The following TENM2 variants were observed in gnomAD, a reference collection of about 807,000 sequenced individuals.
TENM2 encodes teneurin-2.
Under a neutral mutation model 245.2 loss-of-function variants are expected in TENM2, and 52 were observed. The ratio of observed to expected loss-of-function variants is 0.21; its 90% CI spans 0.17 to 0.27. The LOEUF (loss-of-function observed/expected upper bound fraction) is 0.27, where lower values mean the gene tolerates loss of function less well. Ranked by LOEUF, TENM2 falls within the 10% of genes least tolerant of loss-of-function variation. The probability of loss-of-function intolerance (pLI) is 1.00; values close to 1 mark genes in which losing one functional copy is unlikely to be tolerated. For synonymous variants in TENM2, 1,363 were observed against 1,438.9 expected (o/e 0.95, Z 1.19); for missense variants, 3,046 against 3,666.8 (o/e 0.83, Z 4.37).
the TENM2 span, among the ~76,000 whole-genome samples, chr5:167,258,832 A>G: frequency 6.6e-6 from 1 of 152,186 alleles, no homozygotes; most frequent in South Asian, 2.1e-4. Context: ...CTCTATTTTA[A>G]TATGTGTGAG....
the TENM2 span, among the ~76,000 whole-genome samples, chr5:166,982,972 T>C: frequency 2.6e-5 from 4 of 152,268 alleles, no homozygotes; most frequent in South Asian, 6.2e-4. Context: ...AAGTATTCTT[T>C]GTACTTCTGG....
chr5:167,800,392 A>G (rs190853512), intron 2 of TENM2, among the ~76,000 whole-genome samples: 1 of 152,212 alleles, frequency 6.6e-6, no homozygotes, highest in South Asian at 2.1e-4. Flanking sequence ...CTGTCGTGGA[A>G]CACCCAAGAC....
intron 3 of TENM2, among the ~76,000 whole-genome samples, chr5:167,917,492 C>T (rs1777041251): frequency 6.6e-6 from 1 of 151,990 alleles, no homozygotes; most frequent in African/African-American, 2.4e-5. Context: ...AATTTATTTC[C>T]ACCTATTTGG....
chr5:168,226,385 T>C, intron 24 of TENM2, 122 bp downstream of exon 26: 1 of 796,274 alleles, frequency 1.3e-6, no homozygotes, highest in Non-Finnish European at 2.0e-6. Context: ...ACCCCTAGCT[T>C]TCTATTTTAT....
At chr5:168,238,760 G>A (rs1765834389) in intron 25 of TENM2, among the ~76,000 whole-genome samples, 1 of 152,180 alleles carries the variant, frequency 6.6e-6, no homozygotes, top group African/African-American at 2.4e-5. Flanking sequence ...GGGATATTCT[G>A]CAGGGGAAAC....
At chr5:167,173,306 C>T in the TENM2 span, among the ~76,000 whole-genome samples, 6,262 of 152,280 alleles carry the variant, frequency 0.041, 452 homozygotes, top group African/African-American at 0.14. Context: ...TCCTGTTTCC[C>T]CTTTCTCTGC....
At chr5:167,482,031 A>C in intron 2 of TENM2, among the ~76,000 whole-genome samples, 1 of 152,180 alleles carries the variant, frequency 6.6e-6, no homozygotes, top group Admixed American at 6.5e-5. Flanking sequence ...ATGGTATTTT[A>C]GTTGTAAAAA....
intron 6 of TENM2, 79 bp from the exon 9 acceptor site, chr5:168,061,981 G>A (rs1425003499): frequency 7.8e-7 from 1 of 1,276,410 alleles, no homozygotes; most frequent in Non-Finnish European, 1.1e-6. Context: ...AAAAAAACCT[G>A]GCATGTAATT....
intron 5 of TENM2, among the ~76,000 whole-genome samples, chr5:168,009,707 T>C (rs1196989388): frequency 6.6e-6 from 1 of 152,254 alleles, no homozygotes; most frequent in East Asian, 1.9e-4. Flanking sequence ...GTTCTTGCTA[T>C]TGGGATTGCC....
intron 1 of TENM2, chr5:167,296,085 A>G (rs559106855): frequency 3.3e-5 from 5 of 152,202 alleles, no homozygotes; most frequent in African/African-American, 9.6e-5. Flanking sequence ...ATGAGGGGGG[A>G]AAAGAAAAAA....
At chr5:167,902,334 G>A (rs1775770465) in intron 3 of TENM2, among the ~76,000 whole-genome samples, 2 of 152,216 alleles carry the variant, frequency 1.3e-5, no homozygotes, top group Non-Finnish European at 2.9e-5. Flanking sequence ...TTCTCAAGGT[G>A]TGGACTGGGG....
intron 14 of TENM2, 125 bp downstream of exon 16, chr5:168,190,672 C>T: frequency 1.3e-6 from 1 of 757,466 alleles, no homozygotes; most frequent in East Asian, 2.7e-5. Context: ...AGAGGCAGCT[C>T]CCTCCAAGGG....
intron 1 of TENM2, among the ~76,000 whole-genome samples, chr5:167,293,157 T>C (rs1754735570): frequency 6.6e-6 from 1 of 152,076 alleles, no homozygotes; most frequent in African/African-American, 2.4e-5. Context: ...ATAGCAGAGA[T>C]TGTTTGAGAA....
At chr5:167,237,238 T>G in the TENM2 span, among the ~76,000 whole-genome samples, 1 of 152,234 alleles carries the variant, frequency 6.6e-6, no homozygotes, top group Admixed American at 6.5e-5. Flanking sequence ...GCCTGACACA[T>G]GGTAGGCCCT....
chr5:167,268,873 CATAGATAGATAGATAGATAG>C, the TENM2 span, among the ~76,000 whole-genome samples: 106 of 139,596 alleles, frequency 7.6e-4, no homozygotes, highest in Middle Eastern at 7.2e-3. Flanking sequence ...CCAAAAGATA[CATAGATAGATAGATAGATAG>C]ATAGATAGAT....
the TENM2 span, among the ~76,000 whole-genome samples, chr5:167,008,317 T>C: frequency 2.0e-5 from 3 of 151,908 alleles, no homozygotes; most frequent in Admixed American, 6.6e-5. Flanking sequence ...AATAAAGGAG[T>C]TGATATAGTT....
At chr5:167,715,765 C>T (rs1759213511) in intron 2 of TENM2, among the ~76,000 whole-genome samples, 1 of 152,134 alleles carries the variant, frequency 6.6e-6, no homozygotes, top group Non-Finnish European at 1.5e-5. Context: ...CAAAACTTGC[C>T]TCTTTGGATT....
chr5:167,754,685 A>G (rs927447335), intron 2 of TENM2, among the ~76,000 whole-genome samples: 2 of 151,750 alleles, frequency 1.3e-5, no homozygotes, highest in Admixed American at 6.6e-5. Context: ...CTGCACACAC[A>G]TGTACACACA....
At chr5:167,659,789 G>A (rs1755085199) in intron 2 of TENM2, among the ~76,000 whole-genome samples, 2 of 152,108 alleles carry the variant, frequency 1.3e-5, no homozygotes, top group East Asian at 1.9e-4. Context: ...CTGGGTATAA[G>A]GTTCCTCTAC....
Sources: allele counts gnomAD v4.1 joint callset (sites outside exome capture counted in the v4.1 genomes callset), GRCh38; gene constraint gnomAD v4.1.1; transcripts MANE v1.5; gene names NCBI Gene and HGNC (gene_info 2026-07-23, HGNC 2026-07-21).